Variants in CWF19L2 observed in about 807,000 individuals in gnomAD.
CWF19L2 encodes CWF19-like protein 2.
In CWF19L2, 98 loss-of-function variants were observed where a neutral mutation model predicts 111.7. The observed-to-expected ratio is 0.88, with a 90% CI of 0.75 to 1.04. CWF19L2 has a LOEUF of 1.04. Ranked by LOEUF, CWF19L2 falls within the 50% of genes least tolerant of loss-of-function variation. CWF19L2 has a pLI of 0.00. For synonymous variants in CWF19L2, 351 were observed against 342.9 expected (o/e 1.02, Z -0.26); for missense variants, 1,101 against 1,051.4 (o/e 1.05, Z -0.65).
chr11:107,412,383 C>T (rs937990935), intron 10 of CWF19L2, among the ~76,000 whole-genome samples: 1 of 152,172 alleles, frequency 6.6e-6, no homozygotes, highest in Non-Finnish European at 1.5e-5. Flanking sequence ...CACTGCCGCC[C>T]AGGCTGGAGT....
At chr11:107,411,130 A>G (rs932038326) in intron 10 of CWF19L2, among the ~76,000 whole-genome samples, 2 of 147,456 alleles carry the variant, frequency 1.4e-5, no homozygotes, top group Admixed American at 6.7e-5. Context: ...ATCATAAAAC[A>G]GCAAGGTATA....
chr11:107,439,868 G>C (rs923287387), intron 5 of CWF19L2, among the ~76,000 whole-genome samples: 1 of 152,190 alleles, frequency 6.6e-6, no homozygotes, highest in African/African-American at 2.4e-5. Context: ...TCATGAATGT[G>C]ATCAGCTTCA....
At chr11:107,355,848 C>T (rs80318752) in intron 12 of CWF19L2, among the ~76,000 whole-genome samples, 4,258 of 152,288 alleles carry the variant, frequency 0.028, 106 homozygotes, top group East Asian at 0.11. Context: ...GCAATAGCTA[C>T]GTCGAAGACT....
chr11:107,430,862 T>C (rs544959514), intron 7 of CWF19L2, among the ~76,000 whole-genome samples: 20 of 151,788 alleles, frequency 1.3e-4, no homozygotes, highest in African/African-American at 4.1e-4. Context: ...GAGTAGATTT[T>C]AGGTATTTTT....
At chr11:107,329,009 T>C (rs1859804109) in intron 17 of CWF19L2, among the ~76,000 whole-genome samples, 1 of 152,196 alleles carries the variant, frequency 6.6e-6, no homozygotes, top group Non-Finnish European at 1.5e-5. Flanking sequence ...TTTCTACTCA[T>C]TGCAGAAGAT....
At chr11:107,379,524 T>C (rs988431112) in intron 12 of CWF19L2, among the ~76,000 whole-genome samples, 1 of 152,254 alleles carries the variant, frequency 6.6e-6, no homozygotes, top group Admixed American at 6.5e-5. Flanking sequence ...TTGTATCCAC[T>C]AATAACAACC....
intron 10 of CWF19L2, among the ~76,000 whole-genome samples, chr11:107,398,416 C>G (rs1036577883): frequency 1.3e-5 from 2 of 152,026 alleles, no homozygotes; most frequent in Non-Finnish European, 2.9e-5. Flanking sequence ...CAAAATTGAA[C>G]AAGTAGAAAA....
intron 3 of CWF19L2, among the ~76,000 whole-genome samples, chr11:107,453,048 C>T (rs1038593794): frequency 1.3e-5 from 2 of 151,600 alleles, no homozygotes; most frequent in Non-Finnish European, 2.9e-5. Flanking sequence ...TTGAGGTGCG[C>T]AAAAATTAGG....
At chr11:107,337,077 C>T (rs1012862851) in intron 14 of CWF19L2, among the ~76,000 whole-genome samples, 23 of 152,126 alleles carry the variant, frequency 1.5e-4, no homozygotes, top group African/African-American at 4.3e-4. Flanking sequence ...AAAAGAGATA[C>T]TCTGAGCAGA....
intron 17 of CWF19L2, among the ~76,000 whole-genome samples, chr11:107,328,580 AAAATTTACTTTTAACT>A (rs1288667738): frequency 2.0e-5 from 3 of 152,228 alleles, no homozygotes; most frequent in Non-Finnish European, 4.4e-5. Flanking sequence ...GCTGACAGAG[AAAATTTACTTTTAACT>A]CCAAAACTGA....
chr11:107,449,923 T>G (rs1861754867), intron 3 of CWF19L2, among the ~76,000 whole-genome samples: 1 of 152,126 alleles, frequency 6.6e-6, no homozygotes, highest in African/African-American at 2.4e-5. Context: ...CTGTCGAATA[T>G]AGTAGCCACA....
intron 12 of CWF19L2, among the ~76,000 whole-genome samples, chr11:107,375,916 A>T (rs1860592513): frequency 1.5e-5 from 1 of 65,472 alleles, no homozygotes; most frequent in Non-Finnish European, 2.8e-5. Flanking sequence ...ACGCAATAAA[A>T]AATGATAAAG....
chr11:107,421,832 G>A (rs1861306655), intron 8 of CWF19L2, among the ~76,000 whole-genome samples: 1 of 152,030 alleles, frequency 6.6e-6, no homozygotes, highest in East Asian at 1.9e-4. Flanking sequence ...GTTACCATAT[G>A]ATTTAGCTAC....
intron 14 of CWF19L2, 94 bp from the exon 15 acceptor site, chr11:107,336,807 A>T: frequency 1.5e-6 from 1 of 689,536 alleles, no homozygotes; most frequent in East Asian, 3.0e-5. Flanking sequence ...ACTTTAATAA[A>T]AAAGTACAAA....
intron 10 of CWF19L2, among the ~76,000 whole-genome samples, chr11:107,413,244 G>C (rs894955642): frequency 3.3e-5 from 5 of 152,142 alleles, no homozygotes; most frequent in African/African-American, 1.2e-4. Flanking sequence ...TATGGGAAAT[G>C]TGTGTACCTT....
chr11:107,378,921 A>G (rs1359418896), intron 12 of CWF19L2, among the ~76,000 whole-genome samples: 2 of 152,186 alleles, frequency 1.3e-5, no homozygotes, highest in African/African-American at 2.4e-5. Context: ...TAGGAAGACA[A>G]GATTGGTGAC....
At chr11:107,354,115 T>A (rs1860200484) in intron 12 of CWF19L2, among the ~76,000 whole-genome samples, 1 of 148,702 alleles carries the variant, frequency 6.7e-6, no homozygotes, top group Non-Finnish European at 1.5e-5. Context: ...TTTTTTTTTT[T>A]AACCACATCT....
intron 5 of CWF19L2, among the ~76,000 whole-genome samples, chr11:107,440,506 C>T (rs368739501): frequency 1.3e-5 from 2 of 152,048 alleles, no homozygotes; most frequent in South Asian, 4.1e-4. Context: ...TGTTAGTTTA[C>T]CACAAAATCT....
At chr11:107,433,880 T>TTATATATATATATATATATATATA (rs61304388) in intron 6 of CWF19L2, 131 bp from the exon 7 acceptor site, 1 of 122,138 alleles carries the variant, frequency 8.2e-6, no homozygotes, top group African/African-American at 3.1e-5. Flanking sequence ...CTTTGGAATT[T>TTATATATATATATATATATATATA]TATATATATA....
Sources: gnomAD v4.1 joint callset for allele counts (sites outside exome capture counted in the v4.1 genomes callset) on GRCh38, gnomAD v4.1.1 for gene constraint, MANE v1.5 for transcripts, NCBI Gene and HGNC (gene_info 2026-07-23, HGNC 2026-07-21) for gene names.